PITRM1: variants seen among roughly 807,000 people sequenced by gnomAD.
PITRM1 encodes pitrilysin metallopeptidase 1.
In PITRM1, 100 loss-of-function variants were observed where a neutral mutation model predicts 129.9. The ratio of observed to expected loss-of-function variants is 0.77; its 90% CI spans 0.65 to 0.91. The LOEUF (loss-of-function observed/expected upper bound fraction) is 0.91. Ranked by LOEUF, PITRM1 falls within the 40% of genes least tolerant of loss-of-function variation. The probability of loss-of-function intolerance (pLI) is 0.00; values close to 1 mark genes in which losing one functional copy is unlikely to be tolerated. For missense variants in PITRM1, 1,471 were observed against 1,318.3 expected (o/e 1.12, Z -1.79); for synonymous variants, 591 against 508.8 (o/e 1.16, Z -2.17).
At chr10:3,138,384 G>A (rs753061239) in intron 25 of PITRM1, 47 bp from the exon 26 acceptor site, 27 of 1,292,070 alleles carry the variant, frequency 2.1e-5, no homozygotes, top group Middle Eastern at 1.9e-4. Context: ...CCGGGAGCTC[G>A]CGTTGTGGGC....
intron 2 of PITRM1, among the ~76,000 whole-genome samples, chr10:3,169,595 G>A (rs766028262): frequency 1.8e-4 from 28 of 152,196 alleles, no homozygotes; most frequent in Non-Finnish European, 3.7e-4. Context: ...CAATGCAAAA[G>A]GTTTAGGCAA....
At chr10:3,169,158 G>A (rs1843136163) in intron 2 of PITRM1, among the ~76,000 whole-genome samples, 1 of 152,196 alleles carries the variant, frequency 6.6e-6, no homozygotes, top group African/African-American at 2.4e-5. Context: ...CTACCGCTGT[G>A]GGTGAGGCCC....
intron 25 of PITRM1, 44 bp downstream of exon 25, chr10:3,138,860 T>C: frequency 6.3e-7 from 1 of 1,599,776 alleles, no homozygotes; most frequent in East Asian, 2.2e-5. Flanking sequence ...CAACGTCATC[T>C]GTGAGGCTGT....
In PITRM1 at chr10:3,156,970, T is replaced by C. The variant is rs1842031652; in HGVS notation, c.1442A>G (p.Asn481Ser). The C allele has an allele frequency of 6.2e-7, 1 of 1,601,216 alleles. No homozygotes were observed. The highest frequency in any genetic ancestry group is 1.3e-5 in the African/African-American group (1 of 74,352). ...TACTTTTTCTTGCAAAAATTTTGGATTTTCCTGCAGGCACTGTCTGAATTT... is the reference window on the plus strand; with the variant it reads ...TACTTTTTCTTGCAAAAATTTTGGACTTTCCTGCAGGCACTGTCTGAATTT... Reference protein sequence around the residue: ...LAKFRQCLQENPKFLQEKVKQ... With the variant: ...LAKFRQCLQESPKFLQEKVKQ... The change falls in exon 13 of 27, where the codon AAT (asparagine) becomes AGT (serine). Residue 481 changes from asparagine (N) to serine (S), a missense_variant. Coordinates refer to ENST00000224949, the MANE Select transcript of PITRM1 (RefSeq NM_014889.4).
At chr10:3,160,578 C>T (rs1264425751) in intron 7 of PITRM1, among the ~76,000 whole-genome samples, 1 of 152,170 alleles carries the variant, frequency 6.6e-6, no homozygotes, top group Admixed American at 6.5e-5. Flanking sequence ...TTGTTAACCT[C>T]TCGCTGTGCC....
intron 12 of PITRM1, 22 bp downstream of exon 12, chr10:3,157,413 A>C: frequency 2.0e-6 from 3 of 1,477,092 alleles, no homozygotes; most frequent in South Asian, 1.2e-5. Context: ...AACAAAAACA[A>C]AATTGTTGAG....
chr10:3,145,926 G>C (rs538189765), intron 20 of PITRM1: 26 of 549,238 alleles, frequency 4.7e-5, no homozygotes, highest in South Asian at 3.8e-4. Context: ...CAATGTGGCA[G>C]CTAATGAAGC....
In PITRM1 at chr10:3,147,983, T is replaced by A; in HGVS notation, c.2069+4A>T. The A allele has an allele frequency of 6.2e-7, 1 of 1,605,066 alleles. No individual in the cohort carries two copies. Among genetic ancestry groups the A allele is most frequent in the Non-Finnish European group, 8.5e-7 (1 of 1,171,712 alleles). The stretch of plus-strand genomic sequence containing the variant: ...GAATGGACAACTCTTGCAAATAAAG[T>A]TACTTGTTAAATATTTCACTCCATA... On this transcript the variant is annotated splice_donor_region_variant and intron_variant, in intron 18 of 26. Transcript: ENST00000224949.
chr10:3,140,576 A>G, intron 24 of PITRM1, 111 bp downstream of exon 24: 4 of 1,016,650 alleles, frequency 3.9e-6, no homozygotes, highest in Non-Finnish European at 5.8e-6. Context: ...AAGCACACAG[A>G]ACAACTTTTG....
At chr10:3,163,544 T>G in intron 7 of PITRM1, 181 bp downstream of exon 7, 1 of 526,658 alleles carries the variant, frequency 1.9e-6, no homozygotes, top group Non-Finnish European at 3.3e-6. Flanking sequence ...AGGGCTATCA[T>G]TGTAAATGTC....
intron 2 of PITRM1, 113 bp from the exon 3 acceptor site, chr10:3,167,155 G>A (rs1238985517): frequency 1.4e-5 from 9 of 631,934 alleles, no homozygotes; most frequent in Middle Eastern, 2.5e-4. Flanking sequence ...AGATGATGCC[G>A]GGAAGGCAGT....
chr10:3,168,687 C>T (rs905217340), intron 2 of PITRM1, among the ~76,000 whole-genome samples: 4 of 152,198 alleles, frequency 2.6e-5, no homozygotes, highest in African/African-American at 9.7e-5. Flanking sequence ...ATTCTCTCCC[C>T]TGCCGCCCTG....
At chr10:3,138,164 T>A (rs1389994980) in intron 26 of PITRM1, 40 bp from the exon 27 acceptor site, 1 of 1,572,500 alleles carries the variant, frequency 6.4e-7, no homozygotes, top group Admixed American at 1.7e-5. Context: ...GACTGGCTTC[T>A]GCGTGAGCGC....
chr10:3,169,588 T>C (rs10508249), intron 2 of PITRM1, among the ~76,000 whole-genome samples: 20,218 of 152,204 alleles, frequency 0.13, 1,370 homozygotes, highest in Non-Finnish European at 0.14. Flanking sequence ...ATAGAAACAA[T>C]GCAAAAGGTT....
At chr10:3,152,452 A>G (rs953631675) in intron 14 of PITRM1, among the ~76,000 whole-genome samples, 1 of 152,108 alleles carries the variant, frequency 6.6e-6, no homozygotes, top group Non-Finnish European at 1.5e-5. Flanking sequence ...GTTCCCCGAG[A>G]GCGTGCCACG....
chr10:3,153,497 T>C (rs1165049279), intron 14 of PITRM1, among the ~76,000 whole-genome samples: 9 of 152,114 alleles, frequency 5.9e-5, no homozygotes, highest in Non-Finnish European at 1.3e-4. Flanking sequence ...TGGGCATCTG[T>C]AGTCTCAGCT....
chr10:3,146,042 C>G (rs980887629), intron 20 of PITRM1: 12 of 257,816 alleles, frequency 4.7e-5, no homozygotes, highest in Non-Finnish European at 8.3e-5. Flanking sequence ...ATTACACTAT[C>G]AAAACACTGA....
intron 24 of PITRM1, among the ~76,000 whole-genome samples, chr10:3,139,385 G>C (rs10508247): frequency 0.34 from 52,072 of 152,056 alleles, 9,538 homozygotes; most frequent in Non-Finnish European, 0.43. Context: ...AAATTACAAA[G>C]ACTTACATGG....
intron 8 of PITRM1, 118 bp from the exon 9 acceptor site, chr10:3,160,054 TCAAA>T (rs988711250): frequency 1.6e-5 from 20 of 1,244,740 alleles, no homozygotes; most frequent in East Asian, 1.5e-4. Context: ...AACTTTCCTT[TCAAA>T]CAAATTACCA....
Sources: gnomAD v4.1 joint callset for allele counts (sites outside exome capture counted in the v4.1 genomes callset) on GRCh38, gnomAD v4.1.1 for gene constraint, MANE v1.5 for transcripts, NCBI Gene and HGNC (gene_info 2026-07-23, HGNC 2026-07-21) for gene names.